Variants in CGAS observed in about 807,000 individuals in gnomAD.
CGAS encodes the protein cyclic GMP-AMP synthase, also known as 2'3'-cGAMP synthase.
CGAS carries 31 observed loss-of-function variants against 34.0 expected under a neutral mutation model. That is an observed-to-expected ratio of 0.91 (90% CI 0.69 to 1.23). CGAS has a LOEUF of 1.23. CGAS is among the 50% of genes most tolerant of loss of function. The pLI, the probability that CGAS is intolerant of heterozygous loss-of-function variation, is 0.00. For synonymous variants in CGAS, 266 were observed against 260.0 expected, an observed-to-expected ratio of 1.02 and a Z score of -0.22; for missense variants, 597 against 657.6, an observed-to-expected ratio of 0.91 and a Z score of 1.01.
At chr6:73,429,619 G>A (rs1344035867) in intron 3 of CGAS, among the ~76,000 whole-genome samples, 3 of 152,040 alleles carry the variant, frequency 2.0e-5, no homozygotes, top group Admixed American at 6.6e-5. Flanking sequence ...AAGGTCGGGA[G>A]ATCAAGACCA....
At chr6:73,427,814 T>TA (rs1264605913) in intron 4 of CGAS, among the ~76,000 whole-genome samples, 2 of 151,804 alleles carry the variant, frequency 1.3e-5, no homozygotes, top group African/African-American at 4.8e-5. Context: ...TCTCTACCAA[T>TA]AAAAAAAATT....
chr6:73,450,053 G>A (rs1418241428), intron 1 of CGAS, among the ~76,000 whole-genome samples: 1 of 151,392 alleles, frequency 6.6e-6, no homozygotes, highest in Non-Finnish European at 1.5e-5. Flanking sequence ...GAGAGAGAGA[G>A]AGAGGAAGAG....
At chr6:73,443,776 G>A (rs1770422586) in intron 2 of CGAS, among the ~76,000 whole-genome samples, 1 of 152,190 alleles carries the variant, frequency 6.6e-6, no homozygotes, top group Non-Finnish European at 1.5e-5. Flanking sequence ...ACAAATTGCA[G>A]TGAGTGCTCT....
intron 3 of CGAS, among the ~76,000 whole-genome samples, chr6:73,439,494 A>G (rs1025208591): frequency 6.6e-5 from 10 of 151,722 alleles, no homozygotes; most frequent in African/African-American, 1.4e-4. Flanking sequence ...GAAAAAAAAA[A>G]AAAGAAAGAA....
Position 73,440,402 on chromosome 6 carries a change from A to C in CGAS, c.921T>G (p.Ala307=). The change falls in exon 3 of 5, where the codon GCT becomes GCG. Residue 307 remains alanine, a synonymous_variant. Coordinates refer to ENST00000370315, the MANE Select transcript of CGAS (RefSeq NM_138441.3). ...IMKRKRGGSP[A]VTLLISEKIS... Reference sequence around the variant, plus strand: ...TTTTTTCACTAATAAGAAGTGTTACAGCAGGGCTCCCTCCTCTTTTCCTCT... The same window carrying C: ...TTTTTTCACTAATAAGAAGTGTTACCGCAGGGCTCCCTCCTCTTTTCCTCT... 6.2e-7 allele frequency: 1 copy of C among 1,614,156 alleles called. No homozygotes were observed. The highest frequency in any genetic ancestry group is 8.5e-7 in the Non-Finnish European group (1 of 1,180,028).
At chr6:73,446,021 C>G (rs909551104) in intron 1 of CGAS, among the ~76,000 whole-genome samples, 9 of 152,018 alleles carry the variant, frequency 5.9e-5, no homozygotes, top group African/African-American at 2.2e-4. Flanking sequence ...AGTGCAGTGG[C>G]TCACACCTAT....
intron 1 of CGAS, among the ~76,000 whole-genome samples, chr6:73,447,413 A>G (rs1385598015): frequency 6.6e-6 from 1 of 152,038 alleles, no homozygotes; most frequent in African/African-American, 2.4e-5. Flanking sequence ...CCTCCCAAGT[A>G]GCTGGGAATA....
intron 3 of CGAS, among the ~76,000 whole-genome samples, chr6:73,437,366 A>G (rs903707517): frequency 2.6e-5 from 4 of 152,336 alleles, no homozygotes; most frequent in Non-Finnish European, 1.5e-5. Flanking sequence ...TTTAAAAACC[A>G]GTATCTAAAA....
intron 1 of CGAS, among the ~76,000 whole-genome samples, chr6:73,451,145 G>A (rs1356073680): frequency 1.3e-5 from 2 of 152,106 alleles, no homozygotes; most frequent in Non-Finnish European, 2.9e-5. Flanking sequence ...AAAAGTCTAC[G>A]TGGAATTTTT....
In CGAS at chr6:73,451,584, C is replaced by A; in HGVS notation, c.598G>T (p.Asp200Tyr). 2 of 1,612,932 alleles carry A rather than the reference C, an allele frequency of 1.2e-6. No individual in the cohort carries two copies. Among genetic ancestry groups the A allele is most frequent in the Non-Finnish European group, 1.7e-6 (2 of 1,179,570 alleles). Reference sequence around the variant, plus strand: ...AGCCCGACGCCTCTGAACGCGGAGTCGCACTTCAGTCTGAGCAGCAGGTGG... The same window carrying A: ...AGCCCGACGCCTCTGAACGCGGAGTAGCACTTCAGTCTGAGCAGCAGGTGG... The part of the protein sequence containing the change: ...VDHLLLRLKC[D>Y]SAFRGVGLLN... Residue 200 changes from aspartate (D) to tyrosine (Y), a missense_variant, in exon 1 of 5, where the codon GAC becomes TAC. Asp to Tyr is a radical substitution (Grantham distance 160, BLOSUM62 -3). Around this residue, in one of 3 missense-constraint regions of CGAS, gnomAD observed 321 missense variants for 314.3 expected, o/e 1.02. Transcript: ENST00000370315.
intron 4 of CGAS, among the ~76,000 whole-genome samples, chr6:73,427,220 T>C (rs930883330): frequency 2.4e-4 from 36 of 152,250 alleles, no homozygotes; most frequent in Middle Eastern, 6.8e-3. Context: ...TGTGCCTGCA[T>C]GTTGGGCATT....
Position 73,444,602 on chromosome 6 carries a change from C to T in CGAS, c.877+926G>A, listed in dbSNP as rs567056899. Among the ~76,000 whole-genome samples the T allele has an allele frequency of 7.9e-5, 12 of 152,336 alleles. No individual in the cohort carries two copies. The East Asian group carries it at 1.5e-3, about 20-fold the overall frequency. On this transcript the variant is annotated intron_variant, in intron 2 of 4. Coordinates refer to ENST00000370315, the MANE Select transcript of CGAS (RefSeq NM_138441.3). ...GGGATTACAGGTGTGAGCCACTGCG[C>T]CTGGCACCAGATTTTATTATCTGAT... is the stretch of plus-strand genomic sequence containing the variant.
At chr6:73,426,342 A>G (rs116121128) in intron 4 of CGAS, among the ~76,000 whole-genome samples, 8,211 of 140,372 alleles carry the variant, frequency 0.058, 360 homozygotes, top group African/African-American at 0.13. Flanking sequence ...ATGAAATGAA[A>G]TGAAATGATA....
intron 1 of CGAS, 49 bp downstream of exon 1, chr6:73,451,476 G>A (rs1369037301): frequency 6.6e-7 from 1 of 1,506,640 alleles, no homozygotes; most frequent in South Asian, 1.3e-5. Context: ...ACTGCGGATT[G>A]CGGAAGGCCG....
chr6:73,447,755 G>A (rs1021436787), intron 1 of CGAS, among the ~76,000 whole-genome samples: 1 of 152,022 alleles, frequency 6.6e-6, no homozygotes, highest in African/African-American at 2.4e-5. Flanking sequence ...ACCTAGGTTT[G>A]ATATTTTTGA....
intron 3 of CGAS, among the ~76,000 whole-genome samples, chr6:73,430,069 C>T (rs1392169096): frequency 6.6e-6 from 1 of 151,744 alleles, no homozygotes. Context: ...AAAAAAACAC[C>T]TCTTAGCAAT....
At position 73,449,430 on chromosome 6, in the gene CGAS, G is replaced by A. The variant is rs139795969; in HGVS notation, c.657+2095C>T. On this transcript the variant is annotated intron_variant, in intron 1 of 4. Coordinates refer to ENST00000370315, the MANE Select transcript of CGAS (RefSeq NM_138441.3). ...GCAGGGCTTGCAGTGAGCCGAGATC[G>A]CGCCACTGCACTCCAGCCTGGGTGA... Among the ~76,000 whole-genome samples, 1,476 of 151,182 alleles carry A rather than the reference G, an allele frequency of 9.8e-3. 8 individuals carry two copies. The highest frequency in any genetic ancestry group is 0.017 in the Middle Eastern group (5 of 290).
chr6:73,449,657 C>T (rs1382642725), intron 1 of CGAS, among the ~76,000 whole-genome samples: 1 of 152,200 alleles, frequency 6.6e-6, no homozygotes, highest in African/African-American at 2.4e-5. Context: ...AGAGACATAT[C>T]TGATGCTGAA....
intron 2 of CGAS, among the ~76,000 whole-genome samples, chr6:73,443,017 A>C (rs2150814966): frequency 6.6e-6 from 1 of 152,040 alleles, no homozygotes; most frequent in African/African-American, 2.4e-5. Flanking sequence ...CAGTTAGCCC[A>C]GACAGAACTT....
Sources: allele counts gnomAD v4.1 joint callset (sites outside exome capture counted in the v4.1 genomes callset), GRCh38; gene constraint gnomAD v4.1.1; regional missense constraint gnomAD v4.1.1; transcripts MANE v1.5; gene names NCBI Gene and HGNC (gene_info 2026-07-23, HGNC 2026-07-21).